ALDH7A1: variants seen among roughly 807,000 people sequenced by gnomAD.
The protein encoded by ALDH7A1 is alpha-aminoadipic semialdehyde dehydrogenase.
Under a neutral mutation model 79.9 loss-of-function variants are expected in ALDH7A1, and 63 were observed. That is an observed-to-expected ratio of 0.79 (90% CI 0.64 to 0.97). The LOEUF is 0.97. ALDH7A1 is among the 50% of genes least tolerant of loss of function. The probability of loss-of-function intolerance (pLI) is 0.00; values close to 1 mark genes in which losing one functional copy is unlikely to be tolerated. For synonymous variants in ALDH7A1, 240 were observed against 231.2 expected, an observed-to-expected ratio of 1.04 and a Z score of -0.34; for missense variants, 627 against 665.2, an observed-to-expected ratio of 0.94 and a Z score of 0.63.
chr5:126,570,778 C>T lies in ALDH7A1; in HGVS notation c.773+4G>A, dbSNP rs1282112873. ...CAGAGGATGCTCTCAGCCTAGTAAC[C>T]TACCCAATATCTGCTCCACCACAAG... On this transcript the variant is annotated splice_donor_region_variant and intron_variant, in intron 8 of 17. Transcript: ENST00000409134. The T allele has an allele frequency of 1.9e-6, 3 of 1,613,778 alleles. No individual in the cohort carries two copies. In the African/African-American group the frequency reaches 4.0e-5, roughly 22 times the overall value.
intron 10 of ALDH7A1, 125 bp from the exon 11 acceptor site, chr5:126,559,459 G>C: frequency 6.2e-6 from 4 of 644,030 alleles, no homozygotes; most frequent in South Asian, 3.3e-5. Flanking sequence ...TTTTGAGACA[G>C]AGTTTTGTTC....
chr5:126,547,996 G>A (rs370606820), intron 16 of ALDH7A1, among the ~76,000 whole-genome samples: 10 of 150,686 alleles, frequency 6.6e-5, no homozygotes, highest in South Asian at 4.2e-4. Context: ...ATGTTGCAGC[G>A]AGCCAATATT....
chr5:126,552,818 T>C (rs181059078), intron 13 of ALDH7A1, among the ~76,000 whole-genome samples: 1 of 151,302 alleles, frequency 6.6e-6, no homozygotes, highest in African/African-American at 2.4e-5. Context: ...GACATCATCA[T>C]GACTCATTGC....
chr5:126,584,904 T>A (rs760735390), intron 3 of ALDH7A1, among the ~76,000 whole-genome samples: 17 of 152,144 alleles, frequency 1.1e-4, no homozygotes, highest in Non-Finnish European at 2.2e-4. Context: ...TTATGTCACA[T>A]AAAGTTTGAG....
chr5:126,549,832 A>G, intron 16 of ALDH7A1, 97 bp downstream of exon 16: 1 of 1,055,514 alleles, frequency 9.5e-7, no homozygotes, highest in Non-Finnish European at 1.5e-6. Flanking sequence ...TCAGAATATA[A>G]GGAGTGTTTC....
At chr5:126,566,105 G>A (rs1448298849) in intron 9 of ALDH7A1, among the ~76,000 whole-genome samples, 1 of 152,168 alleles carries the variant, frequency 6.6e-6, no homozygotes. Flanking sequence ...TAACTTGTCA[G>A]TTGTCACAAA....
At chr5:126,559,151 C>G in intron 11 of ALDH7A1, 89 bp downstream of exon 11, 3 of 1,041,272 alleles carry the variant, frequency 2.9e-6, no homozygotes, top group Non-Finnish European at 4.5e-6. Context: ...GTTGTTCTAG[C>G]AGTATTGCTG....
chr5:126,564,636 G>A (rs1750508171), intron 9 of ALDH7A1: 3 of 1,133,876 alleles, frequency 2.6e-6, no homozygotes, highest in Non-Finnish European at 3.4e-6. Context: ...ATGAAGACAT[G>A]GCTGTTACTA....
At position 126,546,275 on chromosome 5, in the gene ALDH7A1, T is replaced by C. The variant is rs898579090; in HGVS notation, c.1565+49A>G. On this transcript the variant is annotated intron_variant, in intron 17 of 17. Coordinates refer to ENST00000409134, the MANE Select transcript of ALDH7A1 (RefSeq NM_001182.5). ...GACAGTAGGAAAGTGTAAAAGCCCA[T>C]TCCCAAGGGTTTTAAGCCCAAACCT... is the stretch of plus-strand genomic sequence containing the variant. 3.9e-6 allele frequency: 6 copies of C among 1,549,790 alleles called. No individual in the cohort carries two copies. The African/African-American group carries it at 4.1e-5, about 11-fold the overall frequency.
chr5:126,556,741 A>C (rs1194793522), intron 11 of ALDH7A1, among the ~76,000 whole-genome samples: 1 of 152,226 alleles, frequency 6.6e-6, no homozygotes, highest in Admixed American at 6.5e-5. Flanking sequence ...AGGAGGCCTT[A>C]ATTAGGTGAG....
intron 3 of ALDH7A1, among the ~76,000 whole-genome samples, chr5:126,591,522 T>C (rs747698533): frequency 9.4e-5 from 14 of 148,274 alleles, no homozygotes; most frequent in Non-Finnish European, 1.9e-4. Flanking sequence ...CCCTCAGCAG[T>C]CCCACACCCA....
chr5:126,576,505 A>T (rs1749165878), intron 6 of ALDH7A1, among the ~76,000 whole-genome samples: 1 of 152,214 alleles, frequency 6.6e-6, no homozygotes, highest in Non-Finnish European at 1.5e-5. Context: ...CAAAAGTAAA[A>T]AACAAGTAAC....
At position 126,550,210 on chromosome 5, in the gene ALDH7A1, G is replaced by C. The variant is rs900487343; in HGVS notation, c.1401C>G (p.Ile467Met). The C allele has an allele frequency of 6.2e-7, 1 of 1,612,748 alleles. No homozygotes were observed. The highest frequency in any genetic ancestry group is 1.3e-5 in the African/African-American group (1 of 74,878). ...SSIFTKDLGR[I>M]FRWLGPKGSD... is the part of the protein sequence containing the mutation. Reference sequence around the variant, plus strand: ...CAAAGTTGTACCCAAGCCAGCGAAAGATTCTGCCCAGATCTTTGGTAAAGA... The same window carrying C: ...CAAAGTTGTACCCAAGCCAGCGAAACATTCTGCCCAGATCTTTGGTAAAGA... Residue 467 changes from isoleucine to methionine, a missense_variant, in exon 15 of 18, where the codon ATC (isoleucine) becomes ATG (methionine). Coordinates refer to ENST00000409134, the MANE Select transcript of ALDH7A1 (RefSeq NM_001182.5).
In ALDH7A1 at chr5:126,556,027, A is replaced by G. The variant is rs2112762964; in HGVS notation, c.1009-12T>C. The G allele has an allele frequency of 6.3e-7, 1 of 1,585,192 alleles. No individual in the cohort carries two copies. Among genetic ancestry groups the G allele is most frequent in the East Asian group, 2.2e-5 (1 of 44,618 alleles). On this transcript the variant is annotated splice_polypyrimidine_tract_variant and intron_variant, in intron 11 of 17. Transcript: ENST00000409134. ...CTTTCATGTATAAACTAAACGAAAA[A>G]AGATATTCAAGGGCATAGTATGATA... is the stretch of plus-strand genomic sequence containing the variant.
chr5:126,593,512 C>T, intron 1 of ALDH7A1, 108 bp from the exon 2 acceptor site: 2 of 1,479,370 alleles, frequency 1.4e-6, no homozygotes, highest in Non-Finnish European at 9.3e-7. Flanking sequence ...TGATATAATA[C>T]CCAAACTCAA....
At chr5:126,592,628 T>C (rs1222016160) in intron 3 of ALDH7A1, 36 bp downstream of exon 3, 1 of 1,600,160 alleles carries the variant, frequency 6.2e-7, no homozygotes, top group African/African-American at 1.3e-5. Flanking sequence ...GGCAAAGTGA[T>C]CTTTTCTGAA....
At chr5:126,554,219 G>A in intron 13 of ALDH7A1, 68 bp downstream of exon 13, 2 of 1,355,226 alleles carry the variant, frequency 1.5e-6, no homozygotes, top group South Asian at 2.3e-5. Flanking sequence ...TATGCCCAGA[G>A]CCCTGCTTGT....
At chr5:126,568,378 C>T (rs776596712) in intron 8 of ALDH7A1, 22 bp from the exon 9 acceptor site, 7 of 1,606,020 alleles carry the variant, frequency 4.4e-6, no homozygotes, top group African/African-American at 1.3e-5. Context: ...CAGACACGGT[C>T]GGCCACCCAA....
chr5:126,555,540 T>C (rs1325539266), intron 12 of ALDH7A1: 1 of 161,310 alleles, frequency 6.2e-6, no homozygotes, highest in African/African-American at 2.5e-5. Flanking sequence ...GAGAAGTTAC[T>C]GAGGGGTATT....
Sources: gnomAD v4.1 joint callset for allele counts (sites outside exome capture counted in the v4.1 genomes callset) on GRCh38, gnomAD v4.1.1 for gene constraint, MANE v1.5 for transcripts, NCBI Gene and HGNC (gene_info 2026-07-23, HGNC 2026-07-21) for gene names.